Variants in TBC1D31 observed in about 807,000 individuals in gnomAD.
The protein encoded by TBC1D31 is WD repeat domain 67.
A neutral mutation model predicts 132.9 loss-of-function variants in TBC1D31; 99 were observed. The ratio of observed to expected loss-of-function variants is 0.74; its 90% CI spans 0.63 to 0.88. TBC1D31 has a LOEUF of 0.88. Among genes scored for constraint, TBC1D31 ranks in the 40% least tolerant of loss-of-function variants. The pLI, the probability that TBC1D31 is intolerant of heterozygous loss-of-function variation, is 0.00. For missense variants in TBC1D31, 1,134 were observed against 1,256.6 expected (o/e 0.90, Z 1.48); for synonymous variants, 385 against 419.4 (o/e 0.92, Z 1.00).
At chr8:123,142,819 C>T (rs1181633867) in intron 19 of TBC1D31, among the ~76,000 whole-genome samples, 2 of 152,156 alleles carry the variant, frequency 1.3e-5, no homozygotes, top group African/African-American at 2.4e-5. Flanking sequence ...TTCTCAACTT[C>T]CTGGATTTTT....
chr8:123,076,984 G>A, intron 1 of TBC1D31, 127 bp from the exon 2 acceptor site: 1 of 805,178 alleles, frequency 1.2e-6, no homozygotes, highest in South Asian at 2.1e-5. Flanking sequence ...TTCTAGAGGA[G>A]CGGGGGTATA....
intron 6 of TBC1D31, among the ~76,000 whole-genome samples, chr8:123,098,219 C>T (rs1006850131): frequency 5.3e-5 from 8 of 152,128 alleles, no homozygotes; most frequent in African/African-American, 1.7e-4. Context: ...AGTTGTTCAC[C>T]TCCCCCCATA....
chr8:123,135,693 C>T (rs1821026285), intron 17 of TBC1D31, among the ~76,000 whole-genome samples: 1 of 152,146 alleles, frequency 6.6e-6, no homozygotes, highest in African/African-American at 2.4e-5. Context: ...AGATTTAAAC[C>T]ATATAGCATC....
At chr8:123,101,392 GTTTGTTTTTGT>G (rs750340809) in intron 7 of TBC1D31, among the ~76,000 whole-genome samples, 10 of 152,080 alleles carry the variant, frequency 6.6e-5, no homozygotes, top group African/African-American at 1.7e-4. Context: ...CATATAACTT[GTTTGTTTTTGT>G]TTTGTTTTTG....
At chr8:123,136,030 C>T (rs1039701231) in intron 17 of TBC1D31, among the ~76,000 whole-genome samples, 2 of 152,186 alleles carry the variant, frequency 1.3e-5, no homozygotes, top group Non-Finnish European at 2.9e-5. Context: ...CAAACATATA[C>T]TTGTTTTTCT....
chr8:123,112,399 C>T (rs1018267810), intron 10 of TBC1D31, among the ~76,000 whole-genome samples: 1 of 152,148 alleles, frequency 6.6e-6, no homozygotes, highest in African/African-American at 2.4e-5. Context: ...CCTGTTACTT[C>T]TCCTCCCAAT....
At chr8:123,085,505 G>T (rs1815640247) in intron 4 of TBC1D31, among the ~76,000 whole-genome samples, 1 of 152,022 alleles carries the variant, frequency 6.6e-6, no homozygotes, top group African/African-American at 2.4e-5. Context: ...TGTGATCTTG[G>T]CTCACTGCAA....
intron 8 of TBC1D31, 152 bp from the exon 9 acceptor site, chr8:123,109,165 G>C (rs979453180): frequency 1.7e-6 from 1 of 598,518 alleles, no homozygotes; most frequent in Non-Finnish European, 3.0e-6. Flanking sequence ...GAGAGGGAGA[G>C]AGGGGAGTGG....
chr8:123,134,277 C>T, intron 17 of TBC1D31, 71 bp downstream of exon 17: 1 of 1,214,706 alleles, frequency 8.2e-7, no homozygotes, highest in Non-Finnish European at 1.2e-6. Context: ...ACCTGTAATC[C>T]CAGCACTTTG....
intron 4 of TBC1D31, among the ~76,000 whole-genome samples, chr8:123,085,105 A>C (rs1384288903): frequency 6.6e-6 from 1 of 152,110 alleles, no homozygotes; most frequent in Non-Finnish European, 1.5e-5. Flanking sequence ...TGTGTTTTAA[A>C]GTAAACTTTG....
intron 4 of TBC1D31, among the ~76,000 whole-genome samples, chr8:123,084,937 G>C (rs1304917730): frequency 6.6e-6 from 1 of 151,910 alleles, no homozygotes; most frequent in Non-Finnish European, 1.5e-5. Flanking sequence ...CTACAGGCAT[G>C]TACCACCATG....
intron 1 of TBC1D31, among the ~76,000 whole-genome samples, chr8:123,074,424 T>C (rs2130580631): frequency 6.6e-6 from 1 of 152,334 alleles, no homozygotes; most frequent in African/African-American, 2.4e-5. Context: ...TCTTTATCAA[T>C]GCCGCTGCCT....
rs540151645 is a variant in TBC1D31, at chr8:123,100,702, A to G, written c.832-105A>G. On this transcript the variant is annotated intron_variant, in intron 6 of 21. Transcript: ENST00000287380. ...CACACATACACACATATACACACAC[A>G]CATACATACACAAACGTTGCATACA... is the stretch of plus-strand genomic sequence containing the variant. 1.9e-5 allele frequency: 14 copies of G among 731,890 alleles called. No individual in the cohort carries two copies. In the African/African-American group the frequency reaches 2.5e-4, roughly 13 times the overall value. The allele number at this position is 731,890 out of a possible 1,614,324, so 45.3% of individuals were successfully genotyped here. A position where few individuals can be genotyped will look rare whatever the true frequency, so the allele number is the denominator to read the frequency against.
At chr8:123,094,058 C>T (rs1816613055) in intron 5 of TBC1D31, among the ~76,000 whole-genome samples, 1 of 151,626 alleles carries the variant, frequency 6.6e-6, no homozygotes, top group East Asian at 1.9e-4. Context: ...AACGAATGGC[C>T]ATTTCTTTTC....
At chr8:123,079,877 A>G (rs1442852284) in intron 2 of TBC1D31, among the ~76,000 whole-genome samples, 1 of 152,096 alleles carries the variant, frequency 6.6e-6, no homozygotes, top group African/African-American at 2.4e-5. Context: ...TACCTTATTC[A>G]TAAAAACAGG....
intron 20 of TBC1D31, among the ~76,000 whole-genome samples, chr8:123,145,130 G>A (rs772026662): frequency 6.6e-6 from 1 of 152,118 alleles, no homozygotes; most frequent in Non-Finnish European, 1.5e-5. Flanking sequence ...TCACTATGTT[G>A]CCCAAGCTGG....
intron 6 of TBC1D31, 71 bp downstream of exon 6, chr8:123,097,512 C>G (rs940986637): frequency 6.9e-7 from 1 of 1,459,524 alleles, no homozygotes; most frequent in African/African-American, 1.4e-5. Flanking sequence ...TATATTAGCT[C>G]TTATTTATTT....
the TBC1D31 span, among the ~76,000 whole-genome samples, chr8:123,158,782 G>T: frequency 2.8e-4 from 42 of 152,220 alleles, no homozygotes; most frequent in Middle Eastern, 3.4e-3. Context: ...TGGGGGTGGG[G>T]CCTGCTCCAC....
chr8:123,162,000 A>T, the TBC1D31 span, among the ~76,000 whole-genome samples: 10 of 137,738 alleles, frequency 7.3e-5, no homozygotes, highest in Non-Finnish European at 1.4e-4. Flanking sequence ...CCTGGATAAC[A>T]GCGTGAGAGT....
Sources: gnomAD v4.1 joint callset for allele counts (sites outside exome capture counted in the v4.1 genomes callset) on GRCh38, gnomAD v4.1.1 for gene constraint, MANE v1.5 for transcripts, NCBI Gene and HGNC (gene_info 2026-07-23, HGNC 2026-07-21) for gene names.